The following ZBTB17 variants were observed in gnomAD, a reference collection of about 807,000 sequenced individuals.
The protein encoded by ZBTB17 is zinc finger and BTB domain containing 17, also known as zinc finger and BTB domain-containing protein 17.
In ZBTB17, 24 loss-of-function variants were observed where a neutral mutation model predicts 85.1. That is an observed-to-expected ratio of 0.28 (90% CI 0.20 to 0.40). The LOEUF is 0.40. ZBTB17 is among the 10% of genes least tolerant of loss of function. ZBTB17 has a pLI of 1.00. For synonymous variants in ZBTB17, 464 were observed against 460.2 expected (o/e 1.01, Z -0.11); for missense variants, 743 against 1,105.1 (o/e 0.67, Z 4.65).
At chr1:15,946,336 G>A (rs1449108308) in intron 4 of ZBTB17, 42 bp from the exon 5 acceptor site, 1 of 1,589,734 alleles carries the variant, frequency 6.3e-7, no homozygotes, top group South Asian at 1.1e-5. Context: ...CCCATCAAGT[G>A]CCCGCCATCT....
chr1:15,949,113 G>A (rs775802714), intron 2 of ZBTB17, among the ~76,000 whole-genome samples: 3 of 151,996 alleles, frequency 2.0e-5, no homozygotes, highest in Non-Finnish European at 2.9e-5. Flanking sequence ...CTAGAGTTGC[G>A]GAGTCTTCTG....
chr1:15,971,491 CTATATATATATACACACACACTA>C, intron 2 of ZBTB17, among the ~76,000 whole-genome samples: 1 of 34,684 alleles, frequency 2.9e-5, no homozygotes, highest in Non-Finnish European at 6.3e-5. Flanking sequence ...TATACACACA[CTATATATATATACACACACACTA>C]TATATATACA....
intron 2 of ZBTB17, among the ~76,000 whole-genome samples, chr1:15,950,978 C>G (rs891584241): frequency 6.6e-6 from 1 of 152,142 alleles, no homozygotes; most frequent in Non-Finnish European, 1.5e-5. Context: ...AAGACACATT[C>G]GCTAGATAAT....
chr1:15,945,213 A>G lies in ZBTB17; in HGVS notation c.662-11T>C. The stretch of plus-strand genomic sequence containing the variant: ...GCTCCACCTCCATTTCTGCGGAGAA[A>G]AGGGCAAGCATGGAGGCGGCAGCCC... On this transcript the variant is annotated splice_polypyrimidine_tract_variant and intron_variant, in intron 6 of 15. Transcript: ENST00000375743. 1 of 1,550,414 alleles carries G rather than the reference A, an allele frequency of 6.4e-7. No homozygotes were observed. Among genetic ancestry groups the G allele is most frequent in the South Asian group, 1.2e-5 (1 of 84,078 alleles).
chr1:15,947,440 G>T (rs141867145), intron 3 of ZBTB17: 3 of 360,070 alleles, frequency 8.3e-6, no homozygotes, highest in Non-Finnish European at 1.0e-5. Context: ...AGGTGCAACT[G>T]TCCGCCCTGC....
chr1:15,971,155 C>G (rs970358144), intron 2 of ZBTB17, among the ~76,000 whole-genome samples: 2 of 151,794 alleles, frequency 1.3e-5, no homozygotes, highest in African/African-American at 2.4e-5. Flanking sequence ...GAGCCTTTGG[C>G]ACCATTACTG....
At chr1:15,944,885 A>C in intron 7 of ZBTB17, 46 bp from the exon 8 acceptor site, 1 of 1,565,466 alleles carries the variant, frequency 6.4e-7, no homozygotes, top group Non-Finnish European at 8.7e-7. Context: ...AGCCGGTGGG[A>C]GGCCGGAGGG....
intron 2 of ZBTB17, among the ~76,000 whole-genome samples, chr1:15,961,679 C>T (rs1015960297): frequency 1.3e-5 from 2 of 152,224 alleles, no homozygotes; most frequent in South Asian, 2.1e-4. Context: ...CTACCACCTG[C>T]GGCAGCGATC....
chr1:15,964,084 C>T lies in ZBTB17; in HGVS notation c.-3+8955G>A, dbSNP rs1478521239. ...GCAGTAAGCTGCGATTGTGCCACGG[C>T]ACTCCAGCCTGGACAACAGCGAGAC... On this transcript the variant is annotated intron_variant, in intron 2 of 15. Coordinates refer to ENST00000375743, the MANE Select transcript of ZBTB17 (RefSeq NM_003443.3). The surrounding 1 kb of genome is among the most constrained non-coding windows in gnomAD (Gnocchi z 4.3). Among the ~76,000 whole-genome samples, 1 of 150,908 alleles carries T rather than the reference C, an allele frequency of 6.6e-6. No individual in the cohort carries two copies. Among genetic ancestry groups the T allele is most frequent in the Non-Finnish European group, 1.5e-5 (1 of 67,820 alleles).
chr1:15,969,230 T>C (rs1449207587), intron 2 of ZBTB17, among the ~76,000 whole-genome samples: 2 of 152,328 alleles, frequency 1.3e-5, no homozygotes, highest in Non-Finnish European at 2.9e-5. Flanking sequence ...CAACCCCAGA[T>C]GGGATCGTCT....
intron 2 of ZBTB17, 55 bp downstream of exon 2, chr1:15,972,984 G>C (rs1172462577): frequency 1.3e-5 from 2 of 152,192 alleles, no homozygotes. Flanking sequence ...GTTGAACCTA[G>C]AGAAAAAGGA....
intron 2 of ZBTB17, among the ~76,000 whole-genome samples, chr1:15,967,368 C>T (rs2072480409): frequency 6.6e-6 from 1 of 150,812 alleles, no homozygotes; most frequent in Non-Finnish European, 1.5e-5. Flanking sequence ...AGAGCAAGGC[C>T]CTAATTAAAA....
At chr1:15,944,071 C>T (rs765217087) in intron 9 of ZBTB17, 176 bp from the exon 10 acceptor site, 3 of 966,832 alleles carry the variant, frequency 3.1e-6, no homozygotes, top group South Asian at 1.4e-5. Flanking sequence ...TAAGCCGCCC[C>T]ACCCCATTTT....
intron 3 of ZBTB17, 85 bp from the exon 4 acceptor site, chr1:15,947,208 C>A: frequency 2.1e-6 from 3 of 1,398,918 alleles, no homozygotes; most frequent in Non-Finnish European, 2.9e-6. Flanking sequence ...AGCAGCAGGA[C>A]GCAGGGATTT....
At chr1:15,958,537 G>A (rs912938882) in intron 2 of ZBTB17, among the ~76,000 whole-genome samples, 8 of 152,174 alleles carry the variant, frequency 5.3e-5, no homozygotes, top group African/African-American at 1.9e-4. Flanking sequence ...CAATATAGAG[G>A]GATTCGGGGG....
intron 2 of ZBTB17, among the ~76,000 whole-genome samples, chr1:15,954,929 C>T (rs1310680727): frequency 2.6e-5 from 4 of 152,080 alleles, no homozygotes; most frequent in Non-Finnish European, 5.9e-5. Flanking sequence ...CCGAGGCTGG[C>T]GGATCACTTG....
intron 2 of ZBTB17, among the ~76,000 whole-genome samples, chr1:15,972,155 A>C (rs1228845619): frequency 6.6e-6 from 1 of 152,144 alleles, no homozygotes; most frequent in African/African-American, 2.4e-5. Context: ...TTGCATTGTG[A>C]GGATACACAT....
At chr1:15,947,929 G>A (rs1280476833) in intron 3 of ZBTB17, among the ~76,000 whole-genome samples, 8 of 152,066 alleles carry the variant, frequency 5.3e-5, no homozygotes, top group East Asian at 3.9e-4. Flanking sequence ...CTCTCCCCAC[G>A]CTTCTAGTTA....
Position 15,970,995 on chromosome 1 carries a change from C to T in ZBTB17, c.-3+2044G>A, listed in dbSNP as rs187980671. 2.9e-3 allele frequency among the ~76,000 whole-genome samples: 438 copies of T among 152,122 alleles called. 1 individual carries two copies. The highest frequency in any genetic ancestry group is 4.6e-3 in the South Asian group (22 of 4,818). On this transcript the variant is annotated intron_variant, in intron 2 of 15. Coordinates refer to ENST00000375743, the MANE Select transcript of ZBTB17 (RefSeq NM_003443.3). ...TGTGGCCCTTTGTGACTCTGTTGTTCCATTTTTAATATCTAATGATTCAAT... is the reference window on the plus strand; with the variant it reads ...TGTGGCCCTTTGTGACTCTGTTGTTTCATTTTTAATATCTAATGATTCAAT...
Sources: allele counts gnomAD v4.1 joint callset (sites outside exome capture counted in the v4.1 genomes callset), GRCh38; gene constraint gnomAD v4.1.1; non-coding constraint Gnocchi (gnomAD v3.1); transcripts MANE v1.5; gene names NCBI Gene and HGNC (gene_info 2026-07-23, HGNC 2026-07-21).